Variants in RABEP1 observed in about 807,000 individuals in gnomAD.
RABEP1 encodes the protein rabaptin, RAB GTPase binding effector protein 1, also known as rab GTPase-binding effector protein 1.
In RABEP1, 51 loss-of-function variants were observed where a neutral mutation model predicts 123.4. The observed-to-expected ratio is 0.41, with a 90% CI of 0.33 to 0.52. RABEP1 has a LOEUF of 0.52. RABEP1 is among the 20% of genes least tolerant of loss of function. The pLI is 0.16. For synonymous variants in RABEP1, 347 were observed against 355.2 expected, an observed-to-expected ratio of 0.98 and a Z score of 0.26; for missense variants, 888 against 996.3, an observed-to-expected ratio of 0.89 and a Z score of 1.46.
At chr17:5,282,550 G>T in intron 1 of RABEP1, 30 bp downstream of exon 1, 1 of 1,169,526 alleles carries the variant, frequency 8.6e-7, no homozygotes, top group South Asian at 4.3e-5. Context: ...AGGCGCGGCG[G>T]GCGCGGCCTG....
At chr17:5,366,558 G>C (rs1196293527) in intron 11 of RABEP1, among the ~76,000 whole-genome samples, 1 of 151,950 alleles carries the variant, frequency 6.6e-6, no homozygotes, top group East Asian at 1.9e-4. Flanking sequence ...CAGTTTTCCT[G>C]CCTCAGCCTC....
At chr17:5,315,803 A>G (rs1239079987) in intron 2 of RABEP1, among the ~76,000 whole-genome samples, 1 of 151,928 alleles carries the variant, frequency 6.6e-6, no homozygotes, top group Non-Finnish European at 1.5e-5. Context: ...AGTGAGCTGA[A>G]ATTGCAGCAC....
chr17:5,353,381 G>A (rs1279035044), intron 7 of RABEP1, among the ~76,000 whole-genome samples: 8 of 152,000 alleles, frequency 5.3e-5, no homozygotes, highest in Non-Finnish European at 1.0e-4. Context: ...TTAGAACCTT[G>A]TACATACTTG....
intron 8 of RABEP1, among the ~76,000 whole-genome samples, chr17:5,360,550 A>G (rs1909423256): frequency 1.3e-5 from 2 of 152,246 alleles, no homozygotes; most frequent in Non-Finnish European, 2.9e-5. Context: ...CGACAGAGCG[A>G]GACTCCGTCT....
At chr17:5,381,323 T>TAG (rs1390945667) in intron 16 of RABEP1, 66 bp from the exon 17 acceptor site, 8 of 1,574,754 alleles carry the variant, frequency 5.1e-6, no homozygotes, top group Non-Finnish European at 6.9e-6. Context: ...TAACTACAAG[T>TAG]TACTGGATTT....
chr17:5,330,072 A>C (rs1203726613), intron 2 of RABEP1, among the ~76,000 whole-genome samples: 2 of 152,164 alleles, frequency 1.3e-5, no homozygotes, highest in South Asian at 2.1e-4. Context: ...TGTAGTACCC[A>C]AAAATGAATA....
At chr17:5,334,393 A>G (rs1597365530) in intron 3 of RABEP1, among the ~76,000 whole-genome samples, 1 of 151,988 alleles carries the variant, frequency 6.6e-6, no homozygotes, top group South Asian at 2.1e-4. Context: ...CACCACGCCC[A>G]GCTAATTTTT....
intron 12 of RABEP1, among the ~76,000 whole-genome samples, chr17:5,371,035 C>T (rs182089074): frequency 2.0e-5 from 3 of 151,658 alleles, no homozygotes; most frequent in East Asian, 3.9e-4. Context: ...GGCGCGATCT[C>T]GGCTCACTGC....
At chr17:5,331,877 CTTAT>C (rs1906578552) in intron 2 of RABEP1, 68 bp from the exon 3 acceptor site, 6 of 1,372,204 alleles carry the variant, frequency 4.4e-6, no homozygotes, top group African/African-American at 1.5e-5. Context: ...AATTTAATAC[CTTAT>C]TTCTTTATTG....
chr17:5,344,957 C>G (rs535446299), intron 5 of RABEP1, among the ~76,000 whole-genome samples: 4 of 150,568 alleles, frequency 2.7e-5, no homozygotes, highest in Admixed American at 2.0e-4. Context: ...ATCGAGACTC[C>G]GTCTCAGAAA....
At chr17:5,344,771 CAAAAAAAAAAA>C (rs1177790100) in intron 5 of RABEP1, among the ~76,000 whole-genome samples, 1 of 46,938 alleles carries the variant, frequency 2.1e-5, no homozygotes, top group Non-Finnish European at 3.7e-5. Context: ...GACACTGTCT[CAAAAAAAAAAA>C]AAAAAAAAAA....
intron 16 of RABEP1, 139 bp from the exon 17 acceptor site, chr17:5,381,246 GATAA>G: frequency 9.4e-7 from 1 of 1,066,248 alleles, no homozygotes; most frequent in Non-Finnish European, 1.2e-6. Context: ...TTGCCCTATA[GATAA>G]AGAGATTGGT....
At chr17:5,328,698 A>T (rs568784112) in intron 2 of RABEP1, among the ~76,000 whole-genome samples, 9 of 146,380 alleles carry the variant, frequency 6.1e-5, no homozygotes, top group Non-Finnish European at 1.2e-4. Flanking sequence ...CACGCCTGTA[A>T]TCCCAGCACT....
At chr17:5,291,813 G>A (rs2075036460) in intron 1 of RABEP1, among the ~76,000 whole-genome samples, 1 of 152,206 alleles carries the variant, frequency 6.6e-6, no homozygotes, top group Admixed American at 6.5e-5. Context: ...TGAGACAGGA[G>A]AGAGTCATCT....
chr17:5,371,250 G>A (rs189925726), intron 12 of RABEP1: 1 of 152,304 alleles, frequency 6.6e-6, no homozygotes, highest in Admixed American at 6.5e-5. Context: ...ACAGGCGTGA[G>A]CCACTGCGCC....
intron 7 of RABEP1, among the ~76,000 whole-genome samples, chr17:5,351,801 CA>C (rs772879428): frequency 2.6e-5 from 4 of 151,720 alleles, no homozygotes; most frequent in African/African-American, 9.7e-5. Flanking sequence ...GATCCTATCT[CA>C]AAAAAAAGTA....
chr17:5,294,112 A>G (rs1468862665), intron 1 of RABEP1, among the ~76,000 whole-genome samples: 2 of 152,208 alleles, frequency 1.3e-5, no homozygotes, highest in African/African-American at 4.8e-5. Context: ...TGCGGGGTCC[A>G]CTTTCATGAA....
chr17:5,348,047 G>T (rs1385604671), intron 6 of RABEP1, among the ~76,000 whole-genome samples: 2 of 151,668 alleles, frequency 1.3e-5, no homozygotes. Context: ...GTGTGATCTC[G>T]GCTCACTGCA....
At chr17:5,368,185 T>C (rs1229215093) in intron 11 of RABEP1, among the ~76,000 whole-genome samples, 185 bp from the exon 12 acceptor site, 1 of 152,244 alleles carries the variant, frequency 6.6e-6, no homozygotes, top group Non-Finnish European at 1.5e-5. Context: ...GGCACTGCCT[T>C]GTGTTATCTG....
Sources: gnomAD v4.1 joint callset for allele counts (sites outside exome capture counted in the v4.1 genomes callset) on GRCh38, gnomAD v4.1.1 for gene constraint, MANE v1.5 for transcripts, NCBI Gene and HGNC (gene_info 2026-07-23, HGNC 2026-07-21) for gene names.